PPP1CC: variants seen among roughly 807,000 people sequenced by gnomAD.
PPP1CC encodes the protein serine/threonine-protein phosphatase PP1-gamma catalytic subunit.
PPP1CC carries 16 observed loss-of-function variants against 38.4 expected under a neutral mutation model. The observed-to-expected ratio is 0.42, with a 90% CI of 0.28 to 0.63. The LOEUF is 0.63. Ranked by LOEUF, PPP1CC falls within the 30% of genes least tolerant of loss-of-function variation. PPP1CC has a pLI of 0.25. For missense variants in PPP1CC, 170 were observed against 391.3 expected (o/e 0.43, Z 4.77); for synonymous variants, 158 against 136.0 (o/e 1.16, Z -1.13).
chr12:110,723,021 A>T (rs980156741), intron 4 of PPP1CC, among the ~76,000 whole-genome samples: 1 of 152,366 alleles, frequency 6.6e-6, no homozygotes, highest in Non-Finnish European at 1.5e-5. Flanking sequence ...TGATGACAAT[A>T]ATGAGCGATG....
intron 1 of PPP1CC, among the ~76,000 whole-genome samples, chr12:110,741,116 A>C (rs1421877961): frequency 2.0e-5 from 3 of 152,180 alleles, no homozygotes; most frequent in Non-Finnish European, 4.4e-5. Flanking sequence ...GTTTTCACCT[A>C]CAATACAAGG....
At chr12:110,710,577 G>T in the PPP1CC span, among the ~76,000 whole-genome samples, 1 of 151,596 alleles carries the variant, frequency 6.6e-6, no homozygotes, top group Non-Finnish European at 1.5e-5. Context: ...AATTAGCTGG[G>T]TGTGGTGGTG....
chr12:110,722,708 GAAAA>G lies in PPP1CC; in HGVS notation c.524-17_524-14del. ...TCTGGTGATAAACCTATTCAATGAGGAAAAAAAAAAAATGAAGAAAGCAGAACTT... is the reference window on the plus strand; with the variant it reads ...TCTGGTGATAAACCTATTCAATGAGGAAAAAAAATGAAGAAAGCAGAACTT... On this transcript the variant is annotated splice_polypyrimidine_tract_variant and intron_variant, in intron 4 of 6. Coordinates refer to ENST00000335007, the MANE Select transcript of PPP1CC (RefSeq NM_002710.4). The surrounding 1 kb of genome is among the most constrained non-coding windows in gnomAD (Gnocchi z 5.4). The G allele has an allele frequency of 8.2e-7, 1 of 1,219,374 alleles. No homozygotes were observed. The highest frequency in any genetic ancestry group is 1.1e-6 in the Non-Finnish European group (1 of 898,866). The allele number at this position is 1,219,374 out of a possible 1,614,324, so 75.5% of individuals were successfully genotyped here.
At chr12:110,714,966 ACC>A (rs949630511), downstream of PPP1CC, among the ~76,000 whole-genome samples, 5 of 151,470 alleles carry the variant, frequency 3.3e-5, 1 homozygote, top group African/African-American at 1.2e-4. Flanking sequence ...CAGCAAAAAC[ACC>A]CTTTATCCCA....
intron 4 of PPP1CC, among the ~76,000 whole-genome samples, chr12:110,724,099 G>A (rs1033251862): frequency 6.6e-6 from 1 of 152,048 alleles, no homozygotes; most frequent in African/African-American, 2.4e-5. Context: ...TTAGCCAAGC[G>A]TGGTGGCGGG....
the PPP1CC span, among the ~76,000 whole-genome samples, chr12:110,714,336 G>A: frequency 6.6e-6 from 1 of 152,040 alleles, no homozygotes; most frequent in Non-Finnish European, 1.5e-5. Flanking sequence ...ACATGGGGCA[G>A]ATCTGAAACC....
At chr12:110,742,618 C>A in intron 1 of PPP1CC, 35 bp downstream of exon 1, 1 of 1,409,934 alleles carries the variant, frequency 7.1e-7, no homozygotes, top group East Asian at 2.9e-5. Flanking sequence ...CCCTCAGGCC[C>A]GCCTCCCCCT....
intron 2 of PPP1CC, among the ~76,000 whole-genome samples, 200 bp from the exon 3 acceptor site, chr12:110,730,959 A>G (rs1276606140): frequency 6.6e-6 from 1 of 152,240 alleles, no homozygotes; most frequent in Non-Finnish European, 1.5e-5. Flanking sequence ...AAAAATTTTA[A>G]GTATATGTGT....
chr12:110,741,100 GACAAGGTTTTCACCTACAAT>G (rs967367504), intron 1 of PPP1CC, among the ~76,000 whole-genome samples: 9 of 152,042 alleles, frequency 5.9e-5, no homozygotes, highest in African/African-American at 1.9e-4. Flanking sequence ...TTAAAAGAAT[GACAAGGTTTTCACCTACAAT>G]ACAAGGTTTT....
rs1457715304 is a variant in PPP1CC at position 110,722,750 on chromosome 12, T to C, written c.524-55A>G. The C allele has an allele frequency of 4.3e-5, 58 of 1,341,018 alleles. No homozygotes were observed. The highest frequency in any genetic ancestry group is 5.3e-5 in the Non-Finnish European group (52 of 981,116). The allele number at this position is 1,341,018 out of a possible 1,614,324, so 83.1% of individuals were successfully genotyped here. On this transcript the variant is annotated intron_variant, in intron 4 of 6. Coordinates refer to ENST00000335007, the MANE Select transcript of PPP1CC (RefSeq NM_002710.4). The surrounding 1 kb of genome is among the most constrained non-coding windows in gnomAD (Gnocchi z 5.4). The stretch of plus-strand genomic sequence containing the variant: ...GAAAGCAGAACTTTTAAAAGGATAC[T>C]ACCCCTTCAAAAGTTCCATTTGTCT...
chr12:110,729,982 T>C (rs1015180276), intron 3 of PPP1CC, among the ~76,000 whole-genome samples: 25 of 152,384 alleles, frequency 1.6e-4, no homozygotes, highest in Admixed American at 1.4e-3. Context: ...ACCATGATCA[T>C]TACTTCCTAA....
intron 1 of PPP1CC, among the ~76,000 whole-genome samples, chr12:110,738,254 T>C (rs539265157): frequency 1.3e-5 from 2 of 152,316 alleles, no homozygotes; most frequent in African/African-American, 2.4e-5. Flanking sequence ...TCTTGATGCT[T>C]TGGATACAGA....
rs1228583106 is a variant in PPP1CC at position 110,721,039 on chromosome 12, T to C, written c.*37A>G. The C allele has an allele frequency of 5.1e-6, 8 of 1,567,310 alleles. No homozygotes were observed. The highest frequency in any genetic ancestry group is 7.0e-6 in the Non-Finnish European group (8 of 1,137,742). On this transcript the variant is annotated 3_prime_UTR_variant, in exon 7 of 7. Transcript: ENST00000335007. ...TTAAAAATGAAGGTTATATACTCTA[T>C]GTTACAAGTCCCGACTAGGCAGTGT...
At chr12:110,728,675 C>T (rs2069837319) in intron 3 of PPP1CC, among the ~76,000 whole-genome samples, 1 of 152,220 alleles carries the variant, frequency 6.6e-6, no homozygotes, top group Non-Finnish European at 1.5e-5. Context: ...AACTGGCTTA[C>T]TGGTACTTCT....
intron 6 of PPP1CC, chr12:110,721,404 AATCTT>A: frequency 2.4e-5 from 9 of 376,310 alleles, no homozygotes; most frequent in Middle Eastern, 7.5e-4. Context: ...GTATAATGAC[AATCTT>A]CTGAAGTCTA....
intron 1 of PPP1CC, 200 bp from the exon 2 acceptor site, chr12:110,732,101 G>GT: frequency 1.7e-6 from 1 of 601,440 alleles, no homozygotes; most frequent in Non-Finnish European, 2.9e-6. Context: ...TCGATACCAA[G>GT]TAAGACTTCT....
chr12:110,741,076 A>G (rs974482407), intron 1 of PPP1CC, among the ~76,000 whole-genome samples: 2 of 152,242 alleles, frequency 1.3e-5, no homozygotes, highest in African/African-American at 4.8e-5. Flanking sequence ...TGGTTCTTAT[A>G]TAAATACCTG....
chr12:110,736,625 C>G (rs999045359), intron 1 of PPP1CC, among the ~76,000 whole-genome samples: 1 of 152,180 alleles, frequency 6.6e-6, no homozygotes, highest in African/African-American at 2.4e-5. Context: ...GCCTGGGCCA[C>G]AGAGTGAGAT....
chr12:110,717,169 T>A (rs1239439866), downstream of PPP1CC, among the ~76,000 whole-genome samples: 1 of 152,118 alleles, frequency 6.6e-6, no homozygotes, highest in Non-Finnish European at 1.5e-5. Context: ...ATCCTCACAA[T>A]CCCATCGTTA....
Sources: allele counts gnomAD v4.1 joint callset (sites outside exome capture counted in the v4.1 genomes callset), GRCh38; gene constraint gnomAD v4.1.1; non-coding constraint Gnocchi (gnomAD v3.1); transcripts MANE v1.5; gene names NCBI Gene and HGNC (gene_info 2026-07-23, HGNC 2026-07-21).